Variants in MADCAM1 observed in about 807,000 individuals in gnomAD.
MADCAM1 encodes the protein mucosal vascular addressin cell adhesion molecule 1, also known as mucosal addressin cell adhesion molecule 1.
Under a neutral mutation model 26.1 loss-of-function variants are expected in MADCAM1, and 19 were observed. The observed-to-expected ratio is 0.73, with a 90% CI of 0.51 to 1.07. The LOEUF (loss-of-function observed/expected upper bound fraction) is 1.07. Ranked by LOEUF, MADCAM1 falls within the 50% of genes least tolerant of loss-of-function variation. The pLI, the probability that MADCAM1 is intolerant of heterozygous loss-of-function variation, is 0.00. For missense variants in MADCAM1, 514 were observed against 542.1 expected (o/e 0.95, Z 0.51); for synonymous variants, 268 against 260.9 (o/e 1.03, Z -0.26).
chr19:499,448 G>A (rs1300590842), intron 3 of MADCAM1: 3 of 443,144 alleles, frequency 6.8e-6, no homozygotes, highest in East Asian at 7.1e-5. Flanking sequence ...GTGCACACAG[G>A]CACACACGCA....
intron 4 of MADCAM1, among the ~76,000 whole-genome samples, chr19:502,732 C>T (rs944711909): frequency 3.3e-5 from 5 of 152,166 alleles, no homozygotes; most frequent in African/African-American, 9.7e-5. Context: ...GGAACAATGG[C>T]GAGAGCACAG....
At chr19:499,827 T>C (rs1261428638) in intron 3 of MADCAM1, 1 of 456,328 alleles carries the variant, frequency 2.2e-6, no homozygotes, top group African/African-American at 2.0e-5. Flanking sequence ...CTTCACGCTC[T>C]GTCCAATCCC....
chr19:498,927 C>T (rs1911316326), intron 3 of MADCAM1, 102 bp downstream of exon 3: 2 of 1,359,124 alleles, frequency 1.5e-6, no homozygotes, highest in Middle Eastern at 1.9e-4. Flanking sequence ...TGCTGTGGGG[C>T]GCTGGGAGGA....
rs371474343 is a variant in MADCAM1, at chr19:498,015, C to A, written c.235C>A (p.Leu79Ile). 2.0e-4 allele frequency: 300 copies of A among 1,504,114 alleles called. No individual in the cohort carries two copies. Among genetic ancestry groups the A allele is most frequent in the Non-Finnish European group, 3.4e-5 (38 of 1,132,446 alleles). 93.2% of individuals were successfully genotyped at this position (1,504,114 alleles called of 1,614,324 possible). ...AVQSDTGRSV[L>I]TVRNASLSAA... ...GCAGTCGGACACGGGCCGCAGCGTCCTCACCGTGCGCAACGCCTCGCTGTC... is the reference window on the plus strand; with the variant it reads ...GCAGTCGGACACGGGCCGCAGCGTCATCACCGTGCGCAACGCCTCGCTGTC... Residue 79 changes from leucine (L) to isoleucine (I), a missense_variant, in exon 2 of 5, where the codon CTC becomes ATC. This residue lies in a region of MADCAM1 where 317 missense variants were observed against 313.6 expected (regional missense o/e 1.01). Transcript: ENST00000215637.
Position 498,020 on chromosome 19 carries a change from C to T in MADCAM1, c.240C>T (p.Thr80=). The change falls in exon 2 of 5, where the codon ACC becomes ACT. Residue 80 remains threonine (T), a synonymous_variant. Coordinates refer to ENST00000215637, the MANE Select transcript of MADCAM1 (RefSeq NM_130760.3). The part of the protein sequence containing the change: ...VQSDTGRSVL[T]VRNASLSAAG... The stretch of plus-strand genomic sequence containing the variant: ...CGGACACGGGCCGCAGCGTCCTCAC[C>T]GTGCGCAACGCCTCGCTGTCGGCGG... 3 of 1,502,562 alleles carry T rather than the reference C, an allele frequency of 2.0e-6. No homozygotes were observed. The highest frequency in any genetic ancestry group is 2.6e-5 in the East Asian group (1 of 37,744). 93.1% of individuals were successfully genotyped at this position (1,502,562 alleles called of 1,614,324 possible).
Position 501,686 on chromosome 19 carries a change from T to TCC in MADCAM1, c.688_689dup (p.Glu231ArgfsTer76). The TCC allele has an allele frequency of 6.3e-7, 1 of 1,593,638 alleles. No homozygotes were observed. On this transcript the variant is annotated frameshift_variant, in exon 4 of 5. Transcript: ENST00000215637. LOFTEE classifies it high-confidence loss of function. ...GTTTCCAGTCCTGCACAGCCCGACCTCCCCGGAGCCTCCCGACACCACCTC... is the reference window on the plus strand; with the variant it reads ...GTTTCCAGTCCTGCACAGCCCGACCTCCCCCCGGAGCCTCCCGACACCACCTC...
At position 498,065 on chromosome 19, in the gene MADCAM1, G is replaced by A; in HGVS notation, c.285G>A (p.Val95=). ...SLSAAGTRVC[V]GSCGGRTFQH... is the part of the protein sequence containing the mutation. ...CGGCGGCCGGGACCCGCGTGTGCGT[G>A]GGCTCCTGCGGGGGCCGCACCTTCC... Residue 95 remains valine (V), a synonymous_variant, in exon 2 of 5, where the codon GTG becomes GTA. Coordinates refer to ENST00000215637, the MANE Select transcript of MADCAM1 (RefSeq NM_130760.3). 1 of 1,461,566 alleles carries A rather than the reference G, an allele frequency of 6.8e-7. No individual in the cohort carries two copies. The highest frequency in any genetic ancestry group is 9.0e-7 in the Non-Finnish European group (1 of 1,112,892). The allele number at this position is 1,461,566 out of a possible 1,614,324, so 90.5% of individuals were successfully genotyped here.
At chr19:504,719 C>G (rs535905706) in intron 4 of MADCAM1, 26 bp from the exon 5 acceptor site, 4 of 1,557,118 alleles carry the variant, frequency 2.6e-6, no homozygotes, top group Non-Finnish European at 3.5e-6. Flanking sequence ...GGGCTCTGAC[C>G]GGGGTCTCCT....
Position 504,932 on chromosome 19 carries a change from G to T in MADCAM1, c.1116G>T (p.Arg372Ser). ...AGGTGTCGGCCTGGGCTGGGTTAAG[G>T]GGGACCGGCCAGGTCGGGATCAGCC... ...LPQVSAWAGL[R>S]GTGQVGISPS Residue 372 changes from arginine to serine, a missense_variant, in exon 5 of 5, where the codon AGG (arginine) becomes AGT (serine). Arg to Ser is a moderately radical substitution (Grantham distance 110). Coordinates refer to ENST00000215637, the MANE Select transcript of MADCAM1 (RefSeq NM_130760.3). 6.2e-7 allele frequency: 1 copy of T among 1,606,438 alleles called. No homozygotes were observed. Among genetic ancestry groups the T allele is most frequent in the Non-Finnish European group, 8.5e-7 (1 of 1,174,620 alleles).
Position 504,773 on chromosome 19 carries a change from C to G in MADCAM1, c.957C>G (p.Pro319=), listed in dbSNP as rs748049978. 6.2e-7 allele frequency: 1 copy of G among 1,608,210 alleles called. No homozygotes were observed. The highest frequency in any genetic ancestry group is 8.5e-7 in the Non-Finnish European group (1 of 1,175,974). ...GSSKPAGDQL[P]AALWTSSAVL... ...CCAAACCTGCGGGTGACCAGCTGCC[C>G]GCGGCTCTGTGGACCAGCAGTGCGG... Residue 319 remains proline (P), a synonymous_variant, in exon 5 of 5, where the codon CCC becomes CCG. Coordinates refer to ENST00000215637, the MANE Select transcript of MADCAM1 (RefSeq NM_130760.3).
intron 4 of MADCAM1, among the ~76,000 whole-genome samples, chr19:502,779 A>C (rs1277080615): frequency 6.6e-6 from 1 of 152,202 alleles, no homozygotes; most frequent in African/African-American, 2.4e-5. Flanking sequence ...TATCCCTCAC[A>C]CATTTGGGTC....
At chr19:504,049 C>T (rs1020743642) in intron 4 of MADCAM1, among the ~76,000 whole-genome samples, 16 of 144,998 alleles carry the variant, frequency 1.1e-4, no homozygotes, top group African/African-American at 4.0e-4. Context: ...AGCAAGATTC[C>T]ATTTCGAAAA....
At chr19:503,222 G>A (rs1435358401) in intron 4 of MADCAM1, among the ~76,000 whole-genome samples, 1 of 152,140 alleles carries the variant, frequency 6.6e-6, no homozygotes, top group African/African-American at 2.4e-5. Context: ...GGGAGGTAGA[G>A]CTTGCAGTGA....
chr19:503,382 C>A (rs997702320), intron 4 of MADCAM1, among the ~76,000 whole-genome samples: 3 of 149,700 alleles, frequency 2.0e-5, no homozygotes, highest in Non-Finnish European at 4.4e-5. Flanking sequence ...GAGATCGAGA[C>A]CATCCTGGCT....
At chr19:502,321 A>C (rs1978386646) in intron 4 of MADCAM1, among the ~76,000 whole-genome samples, 1 of 150,978 alleles carries the variant, frequency 6.6e-6, no homozygotes, top group African/African-American at 2.4e-5. Flanking sequence ...TTTTTTTGTG[A>C]GACAGAGTCT....
intron 3 of MADCAM1, among the ~76,000 whole-genome samples, chr19:500,702 C>G (rs1054292360): frequency 6.6e-6 from 1 of 152,058 alleles, no homozygotes; most frequent in African/African-American, 2.4e-5. Flanking sequence ...AACCCCGTCC[C>G]CTACTAAAAA....
At chr19:501,586 C>T (rs1978329317) in intron 3 of MADCAM1, 83 bp from the exon 4 acceptor site, 1 of 1,481,948 alleles carries the variant, frequency 6.7e-7, no homozygotes, top group Non-Finnish European at 9.0e-7. Flanking sequence ...GGTCCAAGCC[C>T]TTCATCCAGA....
rs377335633 is a variant in MADCAM1 at position 496,528 on chromosome 19, C to T, written c.29C>T (p.Ala10Val). ...GATTTCGGACTGGCCCTCCTGCTGG[C>T]GGGGCTTCTGGGGCTCCTCCTCGGT... MDFGLALLL[A>V]GLLGLLLGQS... is the part of the protein sequence containing the mutation. The change falls in exon 1 of 5, where the codon GCG becomes GTG. Residue 10 changes from alanine (A) to valine (V), a missense_variant. Ala to Val is a moderately conservative substitution (Grantham distance 64). Coordinates refer to ENST00000215637, the MANE Select transcript of MADCAM1 (RefSeq NM_130760.3). 9.3e-5 allele frequency: 121 copies of T among 1,302,154 alleles called. 1 individual carries two copies. The highest frequency in any genetic ancestry group is 8.2e-4 in the East Asian group (29 of 35,290). The allele number at this position is 1,302,154 out of a possible 1,614,324, so 80.7% of individuals were successfully genotyped here.
chr19:504,180 A>G (rs1978497267), intron 4 of MADCAM1, among the ~76,000 whole-genome samples: 1 of 151,264 alleles, frequency 6.6e-6, no homozygotes, highest in Admixed American at 6.6e-5. Context: ...CCTTTTCCCC[A>G]GACTAAGTCT....
Sources: gnomAD v4.1 joint callset for allele counts (sites outside exome capture counted in the v4.1 genomes callset) on GRCh38, gnomAD v4.1.1 for gene constraint, gnomAD v4.1.1 regional missense constraint, MANE v1.5 for transcripts, NCBI Gene and HGNC (gene_info 2026-07-23, HGNC 2026-07-21) for gene names.